The following PDE7B variants were observed in gnomAD, a reference collection of about 807,000 sequenced individuals.
PDE7B encodes 3',5'-cyclic-AMP phosphodiesterase 7B.
PDE7B carries 29 observed loss-of-function variants against 56.2 expected under a neutral mutation model. The observed-to-expected ratio is 0.52, with a 90% CI of 0.38 to 0.70. PDE7B has a LOEUF of 0.70. Ranked by LOEUF, PDE7B falls within the 30% of genes least tolerant of loss-of-function variation. The pLI, the probability that PDE7B is intolerant of heterozygous loss-of-function variation, is 0.00. For missense variants in PDE7B, 490 were observed against 565.0 expected (o/e 0.87, Z 1.35); for synonymous variants, 197 against 196.9 (o/e 1.00, Z 0.00).
chr6:135,885,012 G>A (rs1173378081), intron 1 of PDE7B, among the ~76,000 whole-genome samples: 1 of 152,080 alleles, frequency 6.6e-6, no homozygotes, highest in Non-Finnish European at 1.5e-5. Flanking sequence ...GAAAAGCCAG[G>A]GGGATTTCCA....
intron 1 of PDE7B, among the ~76,000 whole-genome samples, chr6:135,931,980 C>T (rs1454251674): frequency 6.7e-6 from 1 of 150,004 alleles, no homozygotes; most frequent in East Asian, 1.9e-4. Context: ...CACACACACA[C>T]ACATAGGTAT....
intron 1 of PDE7B, among the ~76,000 whole-genome samples, chr6:135,860,808 G>A (rs1249731387): frequency 1.3e-5 from 2 of 151,518 alleles, no homozygotes; most frequent in Non-Finnish European, 3.0e-5. Flanking sequence ...CAATGTTGTT[G>A]GTGCTTTAAA....
At chr6:135,901,294 C>T (rs1003557244) in intron 1 of PDE7B, among the ~76,000 whole-genome samples, 2 of 151,968 alleles carry the variant, frequency 1.3e-5, no homozygotes, top group Non-Finnish European at 2.9e-5. Context: ...CATAATAAAT[C>T]TAGGCATTCT....
At chr6:135,945,349 T>C (rs1774577372) in intron 1 of PDE7B, among the ~76,000 whole-genome samples, 1 of 152,108 alleles carries the variant, frequency 6.6e-6, no homozygotes, top group Admixed American at 6.6e-5. Context: ...AAGCTCAAGA[T>C]CTAGGATCTC....
intron 1 of PDE7B, among the ~76,000 whole-genome samples, chr6:135,945,933 G>A (rs1774589294): frequency 6.6e-6 from 1 of 152,010 alleles, no homozygotes; most frequent in Non-Finnish European, 1.5e-5. Context: ...TGAAATGAAG[G>A]AAAACATTCA....
intron 1 of PDE7B, among the ~76,000 whole-genome samples, chr6:135,902,595 A>G (rs1472154018): frequency 2.0e-5 from 3 of 152,198 alleles, no homozygotes; most frequent in African/African-American, 4.8e-5. Context: ...ATCAATGATC[A>G]TCAGATGGAC....
At chr6:135,918,021 G>A (rs775496892) in intron 1 of PDE7B, among the ~76,000 whole-genome samples, 5 of 152,128 alleles carry the variant, frequency 3.3e-5, no homozygotes, top group Non-Finnish European at 7.4e-5. Flanking sequence ...GTTTTTCCCT[G>A]GACATGAACG....
chr6:136,080,899 C>T (rs191241660), intron 2 of PDE7B, among the ~76,000 whole-genome samples: 8 of 152,048 alleles, frequency 5.3e-5, no homozygotes, highest in Admixed American at 1.3e-4. Flanking sequence ...GCAAAAGGGG[C>T]GAGGGGAATG....
intron 2 of PDE7B, among the ~76,000 whole-genome samples, chr6:136,087,031 C>T (rs148880325): frequency 2.0e-3 from 305 of 152,248 alleles, no homozygotes; most frequent in Middle Eastern, 6.8e-3. Context: ...TTCTATCTGC[C>T]GTTACTTGTA....
intron 1 of PDE7B, among the ~76,000 whole-genome samples, chr6:135,860,661 C>A (rs1775128403): frequency 1.3e-5 from 2 of 151,860 alleles, no homozygotes; most frequent in African/African-American, 4.8e-5. Flanking sequence ...TGAGAGAATT[C>A]TTGAGAGAAT....
intron 1 of PDE7B, among the ~76,000 whole-genome samples, chr6:135,901,413 T>C (rs2128191803): frequency 6.6e-6 from 1 of 152,324 alleles, no homozygotes; most frequent in Admixed American, 6.5e-5. Context: ...TATTAAAATA[T>C]TTGAATTTGA....
At position 136,155,614 on chromosome 6, in the gene PDE7B, G is replaced by T; in HGVS notation, c.580-13G>T. The T allele has an allele frequency of 1.3e-6, 2 of 1,596,850 alleles. No homozygotes were observed. Among genetic ancestry groups the T allele is most frequent in the Non-Finnish European group, 1.7e-6 (2 of 1,171,132 alleles). On this transcript the variant is annotated splice_polypyrimidine_tract_variant and intron_variant, in intron 7 of 12. Coordinates refer to ENST00000308191, the MANE Select transcript of PDE7B (RefSeq NM_018945.4). ...AATACACCAATCAATCTCCCAATTT[G>T]TTTTTTTAACAGCTTGCCAGCTTCC...
chr6:136,038,676 G>A (rs1776367324), intron 2 of PDE7B: 14 of 507,274 alleles, frequency 2.8e-5, no homozygotes, highest in Non-Finnish European at 4.0e-5. Flanking sequence ...CTGTATGATA[G>A]AAATGCATCT....
At chr6:136,006,436 T>C (rs1775785525) in intron 2 of PDE7B, among the ~76,000 whole-genome samples, 1 of 152,142 alleles carries the variant, frequency 6.6e-6, no homozygotes, top group Non-Finnish European at 1.5e-5. Context: ...TCATTTTTTC[T>C]GGTTCTGTGA....
At chr6:136,086,051 A>G (rs1163980462) in intron 2 of PDE7B, among the ~76,000 whole-genome samples, 1 of 152,164 alleles carries the variant, frequency 6.6e-6, no homozygotes, top group Non-Finnish European at 1.5e-5. Flanking sequence ...TTTCTTGCAT[A>G]GGTATTTTTA....
chr6:136,009,818 A>G (rs940308800), intron 2 of PDE7B, among the ~76,000 whole-genome samples: 5 of 151,866 alleles, frequency 3.3e-5, no homozygotes, highest in African/African-American at 9.7e-5. Context: ...AACTGAATAA[A>G]TTGTGTTTAT....
intron 10 of PDE7B, among the ~76,000 whole-genome samples, chr6:136,179,683 A>G (rs755964490): frequency 3.3e-5 from 5 of 152,238 alleles, no homozygotes; most frequent in Non-Finnish European, 5.9e-5. Flanking sequence ...ACACAAAAGC[A>G]TATTATATTA....
chr6:135,950,825 G>A (rs6907337), intron 2 of PDE7B, among the ~76,000 whole-genome samples: 27,203 of 152,070 alleles, frequency 0.18, 2,822 homozygotes, highest in South Asian at 0.27. Flanking sequence ...TCTACCTCAC[G>A]ACTTCCATGA....
rs773942263 is a variant in PDE7B at position 136,191,711 on chromosome 6, C to A, written c.1224C>A (p.His408Gln). 5.0e-6 allele frequency: 8 copies of A among 1,612,658 alleles called. No individual in the cohort carries two copies. In the South Asian group the frequency reaches 8.8e-5, roughly 18 times the overall value. Reference sequence around the variant, plus strand: ...AGAACATGCTGGGCCACCTCGCACACAACAAGGCCCAGTGGAAGAGCCTGT... The same window carrying A: ...AGAACATGCTGGGCCACCTCGCACAAAACAAGGCCCAGTGGAAGAGCCTGT... ...LSENMLGHLA[H>Q]NKAQWKSLLP... The change falls in exon 13 of 13, where the codon CAC (histidine) becomes CAA (glutamine). Residue 408 changes from histidine (H) to glutamine (Q), a missense_variant. His to Gln is a conservative substitution (Grantham distance 24). Coordinates refer to ENST00000308191, the MANE Select transcript of PDE7B (RefSeq NM_018945.4).
Sources: gnomAD v4.1 joint callset for allele counts (sites outside exome capture counted in the v4.1 genomes callset) on GRCh38, gnomAD v4.1.1 for gene constraint, MANE v1.5 for transcripts, NCBI Gene and HGNC (gene_info 2026-07-23, HGNC 2026-07-21) for gene names.